Variants in RGPD1 observed in about 807,000 individuals in gnomAD.
RGPD1 encodes the protein RANBP2 like and GRIP domain containing 1, also known as RANBP2-like and GRIP domain-containing protein 1.
Under a neutral mutation model 40.6 loss-of-function variants are expected in RGPD1, and 7 were observed. The observed-to-expected ratio is 0.17, with a 90% CI of 0.10 to 0.32. The LOEUF is 0.32. RGPD1 is among the 10% of genes least tolerant of loss of function. RGPD1 has a pLI of 1.00. For synonymous variants in RGPD1, 24 were observed against 167.0 expected, an observed-to-expected ratio of 0.14 and a Z score of 6.60; for missense variants, 50 against 472.5, an observed-to-expected ratio of 0.11 and a Z score of 8.29.
At chr2:87,009,069 G>C (rs1297077894) in intron 22 of RGPD1, among the ~76,000 whole-genome samples, 3 of 147,376 alleles carry the variant, frequency 2.0e-5, no homozygotes, top group Non-Finnish European at 4.5e-5. Flanking sequence ...AATTTGGGAG[G>C]CCGAGGCGGG....
chr2:86,938,611 A>T (rs111742649), upstream of RGPD1, among the ~76,000 whole-genome samples: 33,740 of 148,158 alleles, frequency 0.23, 1,402 homozygotes, highest in African/African-American at 0.4. Flanking sequence ...AAAAAAAAAA[A>T]AAATAAATAA....
At position 86,930,664 on chromosome 2, in the gene RGPD1, C is replaced by T. The variant is rs557974426; in HGVS notation, c.72+16743C>T. On this transcript the variant is annotated intron_variant, in intron 1 of 22. Transcript: ENST00000398193. The stretch of plus-strand genomic sequence containing the variant: ...TCACAGAGGTAGGGCTGGTTGTTCA[C>T]TCCTGGGCACAGCTCTCGAAGCTGC... 1.9e-5 allele frequency: 30 copies of T among 1,611,098 alleles called. 1 individual carries two copies. The highest frequency in any genetic ancestry group is 1.4e-4 in the South Asian group (13 of 90,952).
At chr2:86,949,455 G>GT (rs1680496250) in intron 1 of RGPD1, among the ~76,000 whole-genome samples, 1 of 135,612 alleles carries the variant, frequency 7.4e-6, no homozygotes, top group Non-Finnish European at 1.6e-5. Flanking sequence ...AAGATCTACG[G>GT]TAAGAACAAA....
intron 1 of RGPD1, among the ~76,000 whole-genome samples, chr2:86,942,676 G>A (rs1336571335): frequency 7.0e-6 from 1 of 142,468 alleles, no homozygotes; most frequent in East Asian, 2.2e-4. Flanking sequence ...CGGCGGCCTC[G>A]ACCTGGCCGG....
At chr2:86,988,417 CCTGA>C (rs1158337787) in intron 20 of RGPD1, among the ~76,000 whole-genome samples, 1 of 98,646 alleles carries the variant, frequency 1.0e-5, no homozygotes, top group African/African-American at 3.7e-5. Context: ...TGCACTCCAG[CCTGA>C]CTGAGTGAGA....
chr2:86,939,338 G>C (rs1247826475), upstream of RGPD1, among the ~76,000 whole-genome samples: 1 of 148,080 alleles, frequency 6.8e-6, no homozygotes, highest in Non-Finnish European at 1.5e-5. Context: ...GAGCACTTTG[G>C]GAGGCTGAGG....
chr2:86,923,311 A>G (rs2104672165), intron 1 of RGPD1, among the ~76,000 whole-genome samples: 1 of 151,810 alleles, frequency 6.6e-6, no homozygotes, highest in East Asian at 1.9e-4. Flanking sequence ...AAGTGCTGGG[A>G]TTACAGGCAT....
chr2:86,922,985 G>T (rs1678136110), intron 1 of RGPD1, among the ~76,000 whole-genome samples: 3 of 92,248 alleles, frequency 3.3e-5, no homozygotes, highest in Non-Finnish European at 4.4e-5. Context: ...TTTATGCAGT[G>T]TTTTTTAAAT....
At chr2:86,944,695 G>T (rs1305376941) in intron 1 of RGPD1, among the ~76,000 whole-genome samples, 1 of 151,920 alleles carries the variant, frequency 6.6e-6, no homozygotes, top group Admixed American at 6.6e-5. Context: ...TTATAGGCGT[G>T]AGCCACTGCA....
chr2:87,006,625 T>G (rs1355561898), intron 22 of RGPD1, among the ~76,000 whole-genome samples: 690 of 143,426 alleles, frequency 4.8e-3, no homozygotes, highest in African/African-American at 0.02. Context: ...GCCAGGCGTG[T>G]TGGCAGGCGC....
intron 1 of RGPD1, among the ~76,000 whole-genome samples, chr2:86,942,727 G>C (rs1017720083): frequency 1.3e-5 from 2 of 150,280 alleles, no homozygotes; most frequent in African/African-American, 4.9e-5. Context: ...GGCCTCGATG[G>C]CTCAGGCGTC....
At chr2:86,942,489 C>T (rs1412577208) in intron 1 of RGPD1, among the ~76,000 whole-genome samples, 181 bp downstream of exon 1, 6 of 125,938 alleles carry the variant, frequency 4.8e-5, no homozygotes, top group South Asian at 5.0e-4. Context: ...GGCCGGGCGG[C>T]GGCGGCGGCC....
upstream of RGPD1, among the ~76,000 whole-genome samples, chr2:86,938,438 G>T (rs1679481146): frequency 2.2e-5 from 2 of 92,394 alleles, no homozygotes; most frequent in Admixed American, 8.6e-5. Flanking sequence ...TAGTTTGGTG[G>T]GGGTAAGGTA....
chr2:86,936,189 G>A (rs1679346939), intron 1 of RGPD1, among the ~76,000 whole-genome samples: 1 of 122,296 alleles, frequency 8.2e-6, no homozygotes, highest in Admixed American at 8.2e-5. Flanking sequence ...TGTATTTTTA[G>A]TAGAGACGGG....
intron 17 of RGPD1, among the ~76,000 whole-genome samples, 162 bp downstream of exon 17, chr2:86,978,093 G>T (rs555783370): frequency 5.5e-5 from 7 of 126,422 alleles, no homozygotes; most frequent in South Asian, 2.6e-4. Context: ...TTAAGGCAGG[G>T]TCTTGTTGTG....
intron 1 of RGPD1, among the ~76,000 whole-genome samples, chr2:86,920,314 C>T (rs1255890665): frequency 4.4e-4 from 67 of 151,624 alleles, no homozygotes; most frequent in Non-Finnish European, 8.0e-4. Flanking sequence ...AAGTGATCCT[C>T]CCACCTTGGC....
intron 1 of RGPD1, among the ~76,000 whole-genome samples, chr2:86,943,446 A>G (rs995423942): frequency 6.6e-6 from 1 of 152,102 alleles, no homozygotes; most frequent in African/African-American, 2.4e-5. Flanking sequence ...TTTTGGATTC[A>G]ATAAGACTTT....
At chr2:86,913,704 A>G (rs979922662), upstream of RGPD1, 65 of 1,331,370 alleles carry the variant, frequency 4.9e-5, 1 homozygote, top group Non-Finnish European at 5.7e-5. Flanking sequence ...CCAAGGATAC[A>G]CAGTGCTGAC....
In RGPD1 at chr2:86,942,243, C is replaced by A. The variant is rs1358468374; in HGVS notation, c.7C>A (p.Arg3Ser). Residue 3 changes from arginine to serine, a missense_variant, in exon 1 of 23, where the codon CGC (arginine) becomes AGC (serine). Physicochemically the swap from Arg to Ser is moderately radical, Grantham distance 110 (BLOSUM62 -1). Coordinates refer to ENST00000641458, the MANE Select transcript of RGPD1 (RefSeq NM_001382344.1). ...GAGCCAGGTTGGCGGTGCGATGAGG[C>A]GCAGCAAGGCCTACGGGGAGCGGTA... Reference protein sequence around the residue: MRRSKAYGERYVA... With the variant: MRSSKAYGERYVA... The A allele has an allele frequency of 6.2e-7, 1 of 1,605,504 alleles. No individual in the cohort carries two copies. The highest frequency in any genetic ancestry group is 1.7e-5 in the Admixed American group (1 of 59,448).
Sources: gnomAD v4.1 joint callset for allele counts (sites outside exome capture counted in the v4.1 genomes callset) on GRCh38, gnomAD v4.1.1 for gene constraint, MANE v1.5 for transcripts, NCBI Gene and HGNC (gene_info 2026-07-23, HGNC 2026-07-21) for gene names.